The following SFXN2 variants were observed in gnomAD, a reference collection of about 807,000 sequenced individuals.
The protein encoded by SFXN2 is sideroflexin-2.
A neutral mutation model predicts 41.9 loss-of-function variants in SFXN2; 37 were observed. The observed-to-expected ratio is 0.88, with a 90% CI of 0.68 to 1.16. The LOEUF is 1.16. Ranked by LOEUF, SFXN2 falls within the 50% of genes most tolerant of loss-of-function variation. The pLI is 0.00. For missense variants in SFXN2, 386 were observed against 425.2 expected, an observed-to-expected ratio of 0.91 and a Z score of 0.81; for synonymous variants, 150 against 156.7, an observed-to-expected ratio of 0.96 and a Z score of 0.32.
intron 1 of SFXN2, among the ~76,000 whole-genome samples, chr10:102,717,018 C>T (rs1015063696): frequency 6.6e-6 from 1 of 152,104 alleles, no homozygotes; most frequent in South Asian, 2.1e-4. Context: ...ATCAAAAATG[C>T]CCACTGTGGT....
At chr10:102,733,893 CTT>C (rs56875384) in intron 10 of SFXN2, among the ~76,000 whole-genome samples, 114 of 145,326 alleles carry the variant, frequency 7.8e-4, no homozygotes, top group Admixed American at 7.5e-4. Context: ...TTGTTTTTTG[CTT>C]TTTTTTTTTT....
Position 102,734,712 on chromosome 10 carries a change from G to GT in SFXN2, c.821+1111dup, listed in dbSNP as rs2064749636. Among the ~76,000 whole-genome samples the GT allele has an allele frequency of 6.6e-6, 1 of 152,144 alleles. No individual in the cohort carries two copies. The highest frequency in any genetic ancestry group is 2.1e-4 in the South Asian group (1 of 4,832). On this transcript the variant is annotated intron_variant, in intron 10 of 11. Coordinates refer to ENST00000369893, the MANE Select transcript of SFXN2 (RefSeq NM_178858.6). This position sits in a 1 kb window ranked among gnomAD's most constrained non-coding sequence, Gnocchi z 4.1. ...GGTCTGCAGTAGCCCTAAAAAGTAG[G>GT]TTGTCCTCCCTCTGTGTCTCTGAGG...
chr10:102,717,868 C>A, intron 1 of SFXN2: 1 of 878,096 alleles, frequency 1.1e-6, no homozygotes, highest in Non-Finnish European at 1.4e-6. Context: ...GCCTTACAGT[C>A]TGTCAGGGGA....
intron 8 of SFXN2, 84 bp downstream of exon 8, chr10:102,732,302 G>A (rs2064716480): frequency 1.6e-6 from 2 of 1,232,732 alleles, no homozygotes; most frequent in Admixed American, 2.1e-5. Context: ...TGGGTGGGAG[G>A]TGGGGCCCAC....
chr10:102,723,195 C>T (rs1283606243), intron 1 of SFXN2, among the ~76,000 whole-genome samples: 1 of 151,586 alleles, frequency 6.6e-6, no homozygotes, highest in Non-Finnish European at 1.5e-5. Flanking sequence ...GTCCACCGGC[C>T]TTGGCCTCCA....
chr10:102,736,841 G>A (rs9645569), intron 11 of SFXN2, among the ~76,000 whole-genome samples: 16,271 of 150,496 alleles, frequency 0.11, 1,148 homozygotes, highest in Non-Finnish European at 0.16. Flanking sequence ...GTGAGCCACC[G>A]TTCCCCGTTG....
At chr10:102,724,771 C>T (rs1311668645) in intron 1 of SFXN2, among the ~76,000 whole-genome samples, 2 of 152,078 alleles carry the variant, frequency 1.3e-5, no homozygotes, top group Non-Finnish European at 2.9e-5. Context: ...CTTTTCCCTT[C>T]AGAGTCCTTA....
intron 6 of SFXN2, among the ~76,000 whole-genome samples, chr10:102,731,256 G>A (rs1160158884): frequency 6.7e-5 from 9 of 134,844 alleles, no homozygotes; most frequent in African/African-American, 8.6e-5. Flanking sequence ...GACAGAGTGC[G>A]ATTGTCTCAA....
chr10:102,733,053 A>C, intron 9 of SFXN2, 145 bp downstream of exon 9: 4 of 801,890 alleles, frequency 5.0e-6, no homozygotes, highest in Non-Finnish European at 8.3e-6. Flanking sequence ...ACCAATCTCC[A>C]CTGACCTCCT....
Position 102,738,027 on chromosome 10 carries a change from C to G in SFXN2, c.*265C>G, listed in dbSNP as rs1456803222. The G allele has an allele frequency of 4.0e-6, 1 of 248,596 alleles. No individual in the cohort carries two copies. The highest frequency in any genetic ancestry group is 7.1e-5 in the East Asian group (1 of 14,092). 15.4% of individuals were successfully genotyped at this position (248,596 alleles called of 1,614,324 possible). A position where few individuals can be genotyped will look rare whatever the true frequency, so the allele number is the denominator to read the frequency against. On this transcript the variant is annotated 3_prime_UTR_variant, in exon 12 of 12. Coordinates refer to ENST00000369893, the MANE Select transcript of SFXN2 (RefSeq NM_178858.6). ...CCCCTGGAGACCAGAAGCTGAGGCC[C>G]TCTCAGGGAGGAGACATCCAAGCAA...
rs984838235 is a variant in SFXN2 at position 102,742,306 on chromosome 10, A to ACAGG, written c.*4547_*4550dup. ...TTTAGCCTCCTGAGTAGCTGGGACT[A>ACAGG]CAGGCATGCACCACCACGCCTGGCT... On this transcript the variant is annotated 3_prime_UTR_variant, in exon 12 of 12. Transcript: ENST00000369893. The ACAGG allele has an allele frequency of 6.6e-6, 1 of 152,138 alleles. No homozygotes were observed. The highest frequency in any genetic ancestry group is 1.5e-5 in the Non-Finnish European group (1 of 68,132). 9.4% of individuals were successfully genotyped at this position (152,138 alleles called of 1,614,324 possible).
rs534263134 is a variant in SFXN2 at position 102,728,467 on chromosome 10, C to T, written c.369C>T (p.Asn123=). The T allele has an allele frequency of 5.0e-6, 8 of 1,614,008 alleles. No homozygotes were observed. In the African/African-American group the frequency reaches 9.3e-5, roughly 19 times the overall value. Reference sequence around the variant, plus strand: ...CGGTGATCTTCTGGCAGTGGGTGAACCAGTCCTTCAATGCCTTAGTCAACT... The same window carrying T: ...CGGTGATCTTCTGGCAGTGGGTGAATCAGTCCTTCAATGCCTTAGTCAACT... ...MPAVIFWQWV[N]QSFNALVNYT... Residue 123 remains asparagine (N), a synonymous_variant, in exon 4 of 12, where the codon AAC becomes AAT. Transcript: ENST00000369893.
Position 102,732,077 on chromosome 10 carries a change from C to G in SFXN2, c.655-75C>G. 9.1e-6 allele frequency: 13 copies of G among 1,421,992 alleles called. No homozygotes were observed. The South Asian group carries it at 1.5e-4, about 17-fold the overall frequency. 88.1% of individuals were successfully genotyped at this position (1,421,992 alleles called of 1,614,324 possible). A position where few individuals can be genotyped will look rare whatever the true frequency, so the allele number is the denominator to read the frequency against. ...TACCATCTCAGACTTGGCCATGATG[C>G]TGACCCAGCCCCCTGGTGCAGCACA... On this transcript the variant is annotated intron_variant, in intron 7 of 11. Coordinates refer to ENST00000369893, the MANE Select transcript of SFXN2 (RefSeq NM_178858.6).
intron 10 of SFXN2, among the ~76,000 whole-genome samples, chr10:102,735,544 C>A (rs1457270805): frequency 1.3e-5 from 2 of 152,168 alleles, no homozygotes; most frequent in Non-Finnish European, 2.9e-5. Flanking sequence ...GCTCCTTTCG[C>A]TCGATGCCAG....
At chr10:102,735,211 C>T (rs2136061538) in intron 10 of SFXN2, among the ~76,000 whole-genome samples, 1 of 150,458 alleles carries the variant, frequency 6.6e-6, no homozygotes, top group African/African-American at 2.5e-5. Flanking sequence ...TGCTCCTCCC[C>T]TCCATGTCCT....
rs2136049840 is a variant in SFXN2 at position 102,729,626 on chromosome 10, G to C, written c.508-97G>C. 2.3e-6 allele frequency: 3 copies of C among 1,318,926 alleles called. No individual in the cohort carries two copies. In the East Asian group the frequency reaches 6.9e-5, roughly 30 times the overall value. 81.7% of individuals were successfully genotyped at this position (1,318,926 alleles called of 1,614,324 possible). On this transcript the variant is annotated intron_variant, in intron 5 of 11. Transcript: ENST00000369893. ...GTGTCTGGATGTGTGGCGGTAGCAA[G>C]GCCTAGTTTTCTTTTTTGTATTCTA...
intron 1 of SFXN2, among the ~76,000 whole-genome samples, chr10:102,722,834 C>T (rs1010676637): frequency 2.6e-5 from 4 of 151,832 alleles, no homozygotes; most frequent in Admixed American, 6.6e-5. Flanking sequence ...TAGGTGTGAA[C>T]CATCCCACCT....
In SFXN2 at chr10:102,743,043, G is replaced by A. The variant is rs1375252345; in HGVS notation, c.*5281G>A. ...GTGGGAAAATGTAGTGGTGAGAGGTGAGATAAAGAGAAGTAGACAGGGACG... is the reference window on the plus strand; with the variant it reads ...GTGGGAAAATGTAGTGGTGAGAGGTAAGATAAAGAGAAGTAGACAGGGACG... On this transcript the variant is annotated 3_prime_UTR_variant, in exon 12 of 12. Transcript: ENST00000369893. The A allele has an allele frequency of 6.6e-6, 1 of 152,248 alleles. No individual in the cohort carries two copies. The highest frequency in any genetic ancestry group is 1.5e-5 in the Non-Finnish European group (1 of 68,054). 9.4% of individuals were successfully genotyped at this position (152,248 alleles called of 1,614,324 possible). A position where few individuals can be genotyped will look rare whatever the true frequency, so the allele number is the denominator to read the frequency against.
intron 3 of SFXN2, 57 bp from the exon 4 acceptor site, chr10:102,728,374 T>A: frequency 7.1e-7 from 1 of 1,403,768 alleles, no homozygotes; most frequent in Non-Finnish European, 1.0e-6. Context: ...TGGCATACCC[T>A]CAGGACTCCC....
Sources: gnomAD v4.1 joint callset for allele counts (sites outside exome capture counted in the v4.1 genomes callset) on GRCh38, gnomAD v4.1.1 for gene constraint, Gnocchi (gnomAD v3.1) non-coding constraint, MANE v1.5 for transcripts, NCBI Gene and HGNC (gene_info 2026-07-23, HGNC 2026-07-21) for gene names.